ERC2: variants seen among roughly 807,000 people sequenced by gnomAD.
ERC2 encodes ELKS/RAB6-interacting/CAST family member 2.
In ERC2, 42 loss-of-function variants were observed where a neutral mutation model predicts 114.8. That is an observed-to-expected ratio of 0.37 (90% CI 0.29 to 0.47). The LOEUF is 0.47. Ranked by LOEUF, ERC2 falls within the 20% of genes least tolerant of loss-of-function variation. The pLI is 0.99. For synonymous variants in ERC2, 454 were observed against 425.5 expected, an observed-to-expected ratio of 1.07 and a Z score of -0.82; for missense variants, 939 against 1,150.7, an observed-to-expected ratio of 0.82 and a Z score of 2.66.
chr3:56,163,579 A>T (rs992230198), intron 4 of ERC2, among the ~76,000 whole-genome samples: 6 of 151,974 alleles, frequency 3.9e-5, no homozygotes, highest in Non-Finnish European at 8.8e-5. Flanking sequence ...TTTTTAGGTT[A>T]GAAAAGTCTT....
In ERC2 at chr3:55,857,186, T is replaced by C. The variant is rs530003707; in HGVS notation, c.2564+31203A>G. Among the ~76,000 whole-genome samples, 4 of 152,222 alleles carry C rather than the reference T, an allele frequency of 2.6e-5. No individual in the cohort carries two copies. In the East Asian group the frequency reaches 7.7e-4, roughly 29 times the overall value. On this transcript the variant is annotated intron_variant, in intron 14 of 17. Coordinates refer to ENST00000288221, the MANE Select transcript of ERC2 (RefSeq NM_015576.3). Reference sequence around the variant, plus strand: ...GTGAATTTTATTTCAATTTTATAAATGTTAAAAAAGAAAAATAAAACAGAG... The same window carrying C: ...GTGAATTTTATTTCAATTTTATAAACGTTAAAAAAGAAAAATAAAACAGAG...
chr3:56,425,335 A>G (rs531784334), intron 2 of ERC2, among the ~76,000 whole-genome samples: 3 of 152,260 alleles, frequency 2.0e-5, no homozygotes, highest in South Asian at 2.1e-4. Context: ...TGACCTTTCA[A>G]TTGTGACCCT....
At chr3:55,799,043 T>C (rs969270338) in intron 14 of ERC2, among the ~76,000 whole-genome samples, 1 of 152,146 alleles carries the variant, frequency 6.6e-6, no homozygotes, top group Non-Finnish European at 1.5e-5. Context: ...AGTTAATGTG[T>C]GTTCTCATCT....
intron 2 of ERC2, among the ~76,000 whole-genome samples, chr3:56,424,405 C>T (rs926263221): frequency 6.6e-6 from 1 of 152,128 alleles, no homozygotes; most frequent in African/African-American, 2.4e-5. Flanking sequence ...TATTTCCCTA[C>T]CATTAGCCAA....
At chr3:55,744,485 C>A (rs2066184818) in intron 14 of ERC2, among the ~76,000 whole-genome samples, 1 of 152,178 alleles carries the variant, frequency 6.6e-6, no homozygotes. Context: ...TGTAACTTCA[C>A]CTTAGCCTCT....
intron 17 of ERC2, among the ~76,000 whole-genome samples, chr3:55,602,729 C>T (rs1471369228): frequency 2.0e-5 from 3 of 152,088 alleles, no homozygotes; most frequent in Admixed American, 2.0e-4. Flanking sequence ...AACCTAACAC[C>T]TAAGCCATCA....
intron 14 of ERC2, among the ~76,000 whole-genome samples, chr3:55,858,295 G>C (rs2061876008): frequency 1.3e-5 from 2 of 152,046 alleles, no homozygotes; most frequent in Admixed American, 1.3e-4. Context: ...CTATAACCCT[G>C]TTTATATATT....
At chr3:56,124,539 T>C (rs546147660) in intron 6 of ERC2, among the ~76,000 whole-genome samples, 2 of 152,236 alleles carry the variant, frequency 1.3e-5, no homozygotes, top group Middle Eastern at 6.8e-3. Context: ...GATTCTTTGA[T>C]CTAAACCCAC....
At chr3:55,641,595 T>C (rs1023785424) in intron 17 of ERC2, among the ~76,000 whole-genome samples, 4 of 143,804 alleles carry the variant, frequency 2.8e-5, no homozygotes, top group African/African-American at 1.0e-4. Context: ...TATACACTCC[T>C]TCCCTTTTAA....
At chr3:56,037,884 T>C (rs768012044) in intron 7 of ERC2, among the ~76,000 whole-genome samples, 1 of 152,062 alleles carries the variant, frequency 6.6e-6, no homozygotes, top group Non-Finnish European at 1.5e-5. Context: ...CAGAAGAGAT[T>C]GGGGGCCAAT....
At chr3:56,454,353 C>T (rs1559524352) in intron 1 of ERC2, among the ~76,000 whole-genome samples, 1 of 152,244 alleles carries the variant, frequency 6.6e-6, no homozygotes, top group South Asian at 2.1e-4. Context: ...AAAGGCACTG[C>T]CAATATCAGA....
At chr3:55,546,064 C>A (rs1335707550) in intron 17 of ERC2, among the ~76,000 whole-genome samples, 1 of 152,156 alleles carries the variant, frequency 6.6e-6, no homozygotes, top group African/African-American at 2.4e-5. Flanking sequence ...ATCATCCTGA[C>A]CTATGCAGTA....
At chr3:56,445,077 G>C (rs1413194053) in intron 1 of ERC2, among the ~76,000 whole-genome samples, 2 of 152,172 alleles carry the variant, frequency 1.3e-5, no homozygotes, top group Non-Finnish European at 2.9e-5. Flanking sequence ...TTAAAATCCA[G>C]ATTCTGATGC....
chr3:56,157,977 C>T (rs568959607), intron 4 of ERC2, among the ~76,000 whole-genome samples: 3 of 152,174 alleles, frequency 2.0e-5, no homozygotes, highest in African/African-American at 4.8e-5. Flanking sequence ...CCTAAATAAA[C>T]GGTAGGCTGG....
At chr3:55,629,866 A>G (rs1383541552) in intron 17 of ERC2, among the ~76,000 whole-genome samples, 1 of 152,246 alleles carries the variant, frequency 6.6e-6, no homozygotes, top group Non-Finnish European at 1.5e-5. Flanking sequence ...TGAGCCCCAC[A>G]TGATGAGAAG....
intron 17 of ERC2, among the ~76,000 whole-genome samples, chr3:55,642,194 C>A (rs2148657473): frequency 6.6e-6 from 1 of 151,854 alleles, no homozygotes; most frequent in Non-Finnish European, 1.5e-5. Flanking sequence ...AGAGGAAAAG[C>A]CATATCCCAC....
chr3:55,590,069 A>C (rs184524360), intron 17 of ERC2, among the ~76,000 whole-genome samples: 1 of 152,318 alleles, frequency 6.6e-6, no homozygotes, highest in Admixed American at 6.5e-5. Context: ...AAGACAATAC[A>C]TTTTTTTGAA....
intron 15 of ERC2, among the ~76,000 whole-genome samples, chr3:55,700,256 T>C (rs1402752163): frequency 6.6e-6 from 1 of 152,160 alleles, no homozygotes; most frequent in African/African-American, 2.4e-5. Flanking sequence ...CAGTGATGAG[T>C]TGGCCTGACA....
At chr3:55,753,081 G>A (rs571937781) in intron 14 of ERC2, among the ~76,000 whole-genome samples, 1 of 152,186 alleles carries the variant, frequency 6.6e-6, no homozygotes, top group East Asian at 1.9e-4. Context: ...GACTCACAAT[G>A]CACACTGCTG....
Sources: allele counts gnomAD v4.1 joint callset (sites outside exome capture counted in the v4.1 genomes callset), GRCh38; gene constraint gnomAD v4.1.1; transcripts MANE v1.5; gene names NCBI Gene and HGNC (gene_info 2026-07-23, HGNC 2026-07-21).